SRGAP2: variants seen among roughly 807,000 people sequenced by gnomAD.
SRGAP2 encodes the protein SLIT-ROBO Rho GTPase activating protein 2, also known as SLIT-ROBO Rho GTPase-activating protein 2.
In SRGAP2, 15 loss-of-function variants were observed where a neutral mutation model predicts 57.2. The ratio of observed to expected loss-of-function variants is 0.26; its 90% CI spans 0.18 to 0.40. The LOEUF is 0.40. SRGAP2 is among the 10% of genes least tolerant of loss of function. The probability of loss-of-function intolerance (pLI) is 1.00; values close to 1 mark genes in which losing one functional copy is unlikely to be tolerated. For missense variants in SRGAP2, 520 were observed against 669.6 expected, an observed-to-expected ratio of 0.78 and a Z score of 2.47; for synonymous variants, 249 against 248.0, an observed-to-expected ratio of 1.00 and a Z score of -0.04.
chr1:206,433,563 C>T (rs936755961), intron 14 of SRGAP2, among the ~76,000 whole-genome samples: 1 of 151,690 alleles, frequency 6.6e-6, no homozygotes, highest in Admixed American at 6.6e-5. Flanking sequence ...ATCACTCAAA[C>T]CCAGGAGATG....
intron 17 of SRGAP2, among the ~76,000 whole-genome samples, chr1:206,442,582 G>A (rs1662405188): frequency 6.6e-6 from 1 of 152,146 alleles, no homozygotes; most frequent in Non-Finnish European, 1.5e-5. Context: ...AGAGATGGCA[G>A]CCACTATTGA....
chr1:206,456,982 G>A (rs561437127), intron 21 of SRGAP2, among the ~76,000 whole-genome samples: 1 of 152,302 alleles, frequency 6.6e-6, no homozygotes, highest in Non-Finnish European at 1.5e-5. Context: ...TCCCCAGGCT[G>A]AGTGAGGTGC....
Position 206,438,109 on chromosome 1 carries a change from T to A in SRGAP2, c.1768+11T>A. The A allele has an allele frequency of 1.3e-6, 1 of 780,532 alleles. No homozygotes were observed. The highest frequency in any genetic ancestry group is 1.3e-5 in the South Asian group (1 of 74,568). The allele number at this position is 780,532 out of a possible 1,614,324, so 48.4% of individuals were successfully genotyped here. A position where few individuals can be genotyped will look rare whatever the true frequency, so the allele number is the denominator to read the frequency against. On this transcript the variant is annotated intron_variant, in intron 16 of 22. Coordinates refer to ENST00000573034, the MANE Select transcript of SRGAP2 (RefSeq NM_015326.5). ...TGATGGCCTGCGTCAGTAAGTACCA[T>A]TCTGGCTTCAGATTGGCTTCTGGGC...
intron 5 of SRGAP2, among the ~76,000 whole-genome samples, chr1:206,392,219 A>G (rs1553350798): frequency 7.1e-6 from 1 of 140,288 alleles, no homozygotes. Flanking sequence ...CCTCTTCCCT[A>G]TTTTATATCT....
intron 3 of SRGAP2, among the ~76,000 whole-genome samples, chr1:206,311,249 ATTGGG>A (rs1553324034): frequency 2.8e-4 from 43 of 152,202 alleles, no homozygotes; most frequent in African/African-American, 1.0e-3. Flanking sequence ...AAGGGGAAAT[ATTGGG>A]GGACAATCAG....
At chr1:206,303,524 G>C in intron 3 of SRGAP2, 51 bp downstream of exon 3, 1 of 932,920 alleles carries the variant, frequency 1.1e-6, no homozygotes, top group Non-Finnish European at 1.5e-6. Context: ...ATGGGGTCCA[G>C]GGTGGAGGGG....
intron 14 of SRGAP2, among the ~76,000 whole-genome samples, chr1:206,431,189 G>A (rs1661250905): frequency 6.6e-6 from 1 of 152,084 alleles, no homozygotes; most frequent in Non-Finnish European, 1.5e-5. Flanking sequence ...ATTCTAATCA[G>A]CTATAATTTT....
intron 2 of SRGAP2, among the ~76,000 whole-genome samples, chr1:206,229,945 C>A (rs180818047): frequency 6.6e-6 from 1 of 151,678 alleles, no homozygotes; most frequent in Non-Finnish European, 1.5e-5. Flanking sequence ...CACACACACA[C>A]ACACACACAC....
At chr1:206,346,443 CA>C (rs1553336866) in intron 4 of SRGAP2, among the ~76,000 whole-genome samples, 1 of 152,096 alleles carries the variant, frequency 6.6e-6, no homozygotes, top group Non-Finnish European at 1.5e-5. Flanking sequence ...CAGATAAGGA[CA>C]AACAAAAGTG....
intron 2 of SRGAP2, among the ~76,000 whole-genome samples, chr1:206,262,847 G>A (rs1669645015): frequency 8.4e-6 from 1 of 118,938 alleles, no homozygotes; most frequent in African/African-American, 3.2e-5. Flanking sequence ...TGTATGAATG[G>A]GATTTCAGTG....
intron 2 of SRGAP2, among the ~76,000 whole-genome samples, chr1:206,266,475 T>C (rs1669855885): frequency 6.6e-6 from 1 of 152,202 alleles, no homozygotes; most frequent in Non-Finnish European, 1.5e-5. Context: ...ACTCCTGACC[T>C]CAGGTGATCC....
At chr1:206,437,085 C>G (rs962292021) in intron 15 of SRGAP2, 43 bp downstream of exon 15, 1 of 779,536 alleles carries the variant, frequency 1.3e-6, no homozygotes, top group African/African-American at 1.7e-5. Context: ...ATTTGCCAGC[C>G]CCCTGGGGTA....
intron 2 of SRGAP2, among the ~76,000 whole-genome samples, chr1:206,262,305 T>G (rs1473811341): frequency 2.0e-5 from 3 of 146,936 alleles, no homozygotes; most frequent in African/African-American, 7.9e-5. Context: ...GTGTTTTTGT[T>G]TTTTTTTTTT....
intron 4 of SRGAP2, among the ~76,000 whole-genome samples, chr1:206,373,703 C>T (rs1654932580): frequency 2.8e-5 from 2 of 72,436 alleles, no homozygotes; most frequent in Admixed American, 3.1e-4. Flanking sequence ...CCACTGCACT[C>T]CAGCCTGGTG....
At chr1:206,313,874 A>G (rs1304192253) in intron 3 of SRGAP2, among the ~76,000 whole-genome samples, 2 of 151,404 alleles carry the variant, frequency 1.3e-5, no homozygotes, top group African/African-American at 4.9e-5. Context: ...CATGTGCCAG[A>G]CACATGCCAG....
At chr1:206,241,953 T>TG (rs1668262005) in intron 2 of SRGAP2, among the ~76,000 whole-genome samples, 4 of 134,128 alleles carry the variant, frequency 3.0e-5, no homozygotes, top group Non-Finnish European at 6.3e-5. Context: ...TGTGTGTGTG[T>TG]TTTATCTCCT....
chr1:206,291,017 C>G, intron 2 of SRGAP2, among the ~76,000 whole-genome samples: 1 of 151,228 alleles, frequency 6.6e-6, no homozygotes, highest in Non-Finnish European at 1.5e-5. Flanking sequence ...CCACATACAC[C>G]TAAACATTCA....
At chr1:206,248,712 G>A (rs1234063840) in intron 2 of SRGAP2, among the ~76,000 whole-genome samples, 1 of 151,972 alleles carries the variant, frequency 6.6e-6, no homozygotes, top group Non-Finnish European at 1.5e-5. Flanking sequence ...AGCTTTATTA[G>A]GTTCTGCAGT....
At chr1:206,296,534 A>G (rs1215299826) in intron 2 of SRGAP2, among the ~76,000 whole-genome samples, 2 of 151,690 alleles carry the variant, frequency 1.3e-5, no homozygotes, top group Admixed American at 6.6e-5. Context: ...GGCTCAAGCA[A>G]GCCTCCCACC....
Sources: allele counts gnomAD v4.1 joint callset (sites outside exome capture counted in the v4.1 genomes callset), GRCh38; gene constraint gnomAD v4.1.1; transcripts MANE v1.5; gene names NCBI Gene and HGNC (gene_info 2026-07-23, HGNC 2026-07-21).